ANTXRL: variants seen among roughly 807,000 people sequenced by gnomAD.
The protein encoded by ANTXRL is anthrax toxin receptor-like.
ANTXRL carries 63 observed loss-of-function variants against 75.4 expected under a neutral mutation model. That is an observed-to-expected ratio of 0.84 (90% CI 0.68 to 1.03). The LOEUF is 1.03. Among genes scored for constraint, ANTXRL ranks in the 50% least tolerant of loss-of-function variants. ANTXRL has a pLI of 0.00. For synonymous variants in ANTXRL, 335 were observed against 291.3 expected (o/e 1.15, Z -1.53); for missense variants, 797 against 789.4 (o/e 1.01, Z -0.12).
At chr10:46,321,672 T>C (rs1838982529) in intron 16 of ANTXRL, among the ~76,000 whole-genome samples, 1 of 152,194 alleles carries the variant, frequency 6.6e-6, no homozygotes, top group Non-Finnish European at 1.5e-5. Context: ...TTCCTTTACC[T>C]GGTGAGAATA....
chr10:46,309,622 G>A (rs1374080652), intron 13 of ANTXRL, among the ~76,000 whole-genome samples: 5 of 152,228 alleles, frequency 3.3e-5, no homozygotes, highest in Admixed American at 3.3e-4. Flanking sequence ...CCCAAATGGA[G>A]GACGCTGTAA....
At chr10:46,313,149 A>G in intron 15 of ANTXRL, 87 bp from the exon 16 acceptor site, 2 of 1,205,186 alleles carry the variant, frequency 1.7e-6, no homozygotes, top group Non-Finnish European at 2.4e-6. Context: ...TCCTGGGCAC[A>G]GAGCTGTGGG....
At chr10:46,297,221 C>A (rs1472746898) in intron 5 of ANTXRL, 31 bp from the exon 6 acceptor site, 1 of 1,527,398 alleles carries the variant, frequency 6.5e-7, no homozygotes, top group Non-Finnish European at 8.8e-7. Flanking sequence ...GGTGCCTTTG[C>A]TGAGCAGGCC....
At chr10:46,290,365 G>T (rs1836936917) in intron 1 of ANTXRL, among the ~76,000 whole-genome samples, 1 of 152,112 alleles carries the variant, frequency 6.6e-6, no homozygotes, top group African/African-American at 2.4e-5. Flanking sequence ...GTCTGTTGAT[G>T]GACACTTGGG....
chr10:46,323,249 T>C (rs116297017), intron 16 of ANTXRL, among the ~76,000 whole-genome samples: 194 of 152,288 alleles, frequency 1.3e-3, no homozygotes, highest in African/African-American at 4.5e-3. Context: ...ATATCCTGCC[T>C]GATATTTTCT....
Position 46,329,658 on chromosome 10 carries a change from A to G in ANTXRL, c.1470A>G (p.Pro490=), listed in dbSNP as rs2132952951. The G allele has an allele frequency of 6.5e-7, 1 of 1,536,388 alleles. No homozygotes were observed. The highest frequency in any genetic ancestry group is 2.4e-5 in the East Asian group (1 of 40,902). ...AATATGCACAGGCTCCCTGCTGCCCAAGGATCTGCTTTCCACACAGCCAGG... is the reference window on the plus strand; with the variant it reads ...AATATGCACAGGCTCCCTGCTGCCCGAGGATCTGCTTTCCACACAGCCAGG... ...QSQYAQAPCC[P]RICFPHSQEC... Residue 490 remains proline (P), a synonymous_variant, in exon 17 of 17, where the codon CCA becomes CCG. Coordinates refer to ENST00000620264, the MANE Select transcript of ANTXRL (RefSeq NM_001278688.3).
At chr10:46,298,752 G>T (rs1394289470) in intron 9 of ANTXRL, among the ~76,000 whole-genome samples, 1 of 150,880 alleles carries the variant, frequency 6.6e-6, no homozygotes, top group Non-Finnish European at 1.5e-5. Flanking sequence ...TATTTTTGGT[G>T]TATGTGTGTT....
chr10:46,330,016 C>T lies in ANTXRL; in HGVS notation c.1828C>T (p.Leu610=), dbSNP rs782100616. ...LRPPSRMLPL[L]SPLLRHTAEP... Reference sequence around the variant, plus strand: ...GCCTCCCTCCAGGATGCTGCCGCTGCTGTCCCCACTGCTCAGGCACACGGC... The same window carrying T: ...GCCTCCCTCCAGGATGCTGCCGCTGTTGTCCCCACTGCTCAGGCACACGGC... Residue 610 remains leucine (L), a synonymous_variant, in exon 17 of 17, where the codon CTG becomes TTG. Transcript: ENST00000620264. 19 of 1,534,248 alleles carry T rather than the reference C, an allele frequency of 1.2e-5. No individual in the cohort carries two copies. The highest frequency in any genetic ancestry group is 1.6e-5 in the Non-Finnish European group (18 of 1,145,660).
intron 8 of ANTXRL, 43 bp downstream of exon 8, chr10:46,297,954 G>T (rs782031258): frequency 2.4e-5 from 37 of 1,535,634 alleles, no homozygotes; most frequent in South Asian, 4.8e-5. Flanking sequence ...GGATCCTTTG[G>T]CAGGAAGCTC....
At chr10:46,297,942 C>T (rs1305087618) in intron 8 of ANTXRL, 31 bp downstream of exon 8, 13 of 1,535,678 alleles carry the variant, frequency 8.5e-6, no homozygotes, top group Non-Finnish European at 1.1e-5. Flanking sequence ...GGCTGGGGAC[C>T]TGGATCCTTT....
In ANTXRL at chr10:46,329,577, C is replaced by G. The variant is rs1485417291; in HGVS notation, c.1411-22C>G. 3 of 1,529,068 alleles carry G rather than the reference C, an allele frequency of 2.0e-6. No homozygotes were observed. The African/African-American group carries it at 4.1e-5, about 21-fold the overall frequency. 94.7% of individuals were successfully genotyped at this position (1,529,068 alleles called of 1,614,324 possible). On this transcript the variant is annotated intron_variant, in intron 16 of 16. Coordinates refer to ENST00000620264, the MANE Select transcript of ANTXRL (RefSeq NM_001278688.3). ...GTTCGAATGCCATCACGGTGACCTT[C>G]TCTCTCTTCTCTTCCCTACAGGGGA... is the stretch of plus-strand genomic sequence containing the variant.
intron 9 of ANTXRL, 132 bp downstream of exon 9, chr10:46,298,194 A>G: frequency 1.2e-6 from 1 of 852,642 alleles, no homozygotes; most frequent in Admixed American, 2.2e-5. Context: ...TGGTGTGTGT[A>G]TGTGGTGTGT....
intron 3 of ANTXRL, among the ~76,000 whole-genome samples, chr10:46,294,266 C>G (rs568306080): frequency 6.6e-6 from 1 of 152,282 alleles, no homozygotes; most frequent in South Asian, 2.1e-4. Flanking sequence ...CTGGCTGCTG[C>G]TCTGTGCCTG....
intron 1 of ANTXRL, among the ~76,000 whole-genome samples, chr10:46,288,876 C>G (rs1200973100): frequency 6.6e-6 from 1 of 152,230 alleles, no homozygotes; most frequent in East Asian, 1.9e-4. Flanking sequence ...GTAAAGGGAG[C>G]AGACAAAAGC....
chr10:46,314,749 G>A (rs1838628441), intron 16 of ANTXRL, among the ~76,000 whole-genome samples: 1 of 151,700 alleles, frequency 6.6e-6, no homozygotes, highest in Admixed American at 6.5e-5. Context: ...GCGATTCTTG[G>A]AAAAGGAGAG....
intron 1 of ANTXRL, among the ~76,000 whole-genome samples, chr10:46,288,429 A>T (rs12719927): frequency 0.63 from 95,632 of 151,700 alleles, 29,807 homozygotes; most frequent in Non-Finnish European, 0.67. Flanking sequence ...TGTGCTGCAC[A>T]CTTTCCAGCA....
At chr10:46,324,808 A>G (rs1357563633) in intron 16 of ANTXRL, among the ~76,000 whole-genome samples, 3 of 152,120 alleles carry the variant, frequency 2.0e-5, no homozygotes, top group Non-Finnish European at 4.4e-5. Flanking sequence ...GAGAGTCAGG[A>G]AACTCTACGA....
chr10:46,296,674 C>G (rs1310716889), intron 5 of ANTXRL, among the ~76,000 whole-genome samples: 1 of 152,166 alleles, frequency 6.6e-6, no homozygotes, highest in African/African-American at 2.4e-5. Context: ...TCCCTCCCCA[C>G]TGTGTTGCTG....
intron 16 of ANTXRL, among the ~76,000 whole-genome samples, chr10:46,328,296 G>A (rs1325622420): frequency 4.6e-5 from 7 of 152,136 alleles, no homozygotes; most frequent in East Asian, 1.9e-4. Flanking sequence ...TGAGAAATGG[G>A]AGAGCTGAGC....
Sources: gnomAD v4.1 joint callset for allele counts (sites outside exome capture counted in the v4.1 genomes callset) on GRCh38, gnomAD v4.1.1 for gene constraint, MANE v1.5 for transcripts, NCBI Gene and HGNC (gene_info 2026-07-23, HGNC 2026-07-21) for gene names.